Variants in ITGB3 observed in about 807,000 individuals in gnomAD.
ITGB3 encodes integrin subunit beta 3, also known as integrin beta-3.
A neutral mutation model predicts 85.8 loss-of-function variants in ITGB3; 48 were observed. The ratio of observed to expected loss-of-function variants is 0.56; its 90% CI spans 0.44 to 0.71. The LOEUF (loss-of-function observed/expected upper bound fraction) is 0.71. ITGB3 is among the 30% of genes least tolerant of loss of function. ITGB3 has a pLI of 0.00. For missense variants in ITGB3, 861 were observed against 1,019.1 expected, an observed-to-expected ratio of 0.84 and a Z score of 2.11; for synonymous variants, 363 against 395.6, an observed-to-expected ratio of 0.92 and a Z score of 0.98.
chr17:47,289,273 C>T (rs2065116046), intron 6 of ITGB3, among the ~76,000 whole-genome samples: 1 of 152,082 alleles, frequency 6.6e-6, no homozygotes, highest in African/African-American at 2.4e-5. Context: ...TTCGTCTATC[C>T]CTGGAGTTCA....
At chr17:47,289,342 T>A (rs193168598) in intron 6 of ITGB3, among the ~76,000 whole-genome samples, 2 of 152,094 alleles carry the variant, frequency 1.3e-5, no homozygotes, top group East Asian at 1.9e-4. Context: ...CTTTTTTTTT[T>A]AGAGACAGAG....
intron 6 of ITGB3, among the ~76,000 whole-genome samples, chr17:47,287,714 G>C (rs1301127470): frequency 6.6e-6 from 1 of 152,092 alleles, no homozygotes; most frequent in East Asian, 1.9e-4. Flanking sequence ...TTTGAAACCA[G>C]CTTGGGAAAT....
intron 10 of ITGB3, among the ~76,000 whole-genome samples, 164 bp downstream of exon 10, chr17:47,292,732 TA>T (rs201856692): frequency 4.0e-5 from 6 of 149,290 alleles, no homozygotes; most frequent in East Asian, 1.9e-4. Context: ...CTTTTCACGT[TA>T]AAAAAAAAAG....
chr17:47,305,104 C>T (rs1184017771), intron 13 of ITGB3, among the ~76,000 whole-genome samples: 3 of 152,172 alleles, frequency 2.0e-5, no homozygotes, highest in East Asian at 1.9e-4. Flanking sequence ...CCCTAAAGAC[C>T]TCCTGGCACC....
intron 13 of ITGB3, among the ~76,000 whole-genome samples, chr17:47,305,189 A>G (rs1004492598): frequency 6.6e-6 from 1 of 152,202 alleles, no homozygotes; most frequent in Admixed American, 6.5e-5. Context: ...GCCCTACCCA[A>G]ATCTTCCAGA....
intron 6 of ITGB3, 121 bp downstream of exon 6, chr17:47,287,352 G>A (rs753128178): frequency 7.8e-5 from 88 of 1,129,846 alleles, no homozygotes; most frequent in East Asian, 1.2e-4. Context: ...TGCAGGGCTC[G>A]GTTCCAGCTT....
intron 2 of ITGB3, among the ~76,000 whole-genome samples, chr17:47,275,259 T>A (rs553507052): frequency 6.6e-6 from 1 of 152,118 alleles, no homozygotes; most frequent in African/African-American, 2.4e-5. Flanking sequence ...TTGGTGAGGA[T>A]GGAAGGGGGA....
chr17:47,274,189 A>G (rs2065054817), intron 1 of ITGB3, among the ~76,000 whole-genome samples: 1 of 152,314 alleles, frequency 6.6e-6, no homozygotes, highest in Non-Finnish European at 1.5e-5. Flanking sequence ...ACTTGTTACC[A>G]CTGTGGCCTC....
chr17:47,284,318 A>C (rs2065094669), intron 3 of ITGB3, 125 bp from the exon 4 acceptor site: 4 of 1,093,348 alleles, frequency 3.7e-6, no homozygotes, highest in Non-Finnish European at 5.4e-6. Flanking sequence ...AAGGAAGAGG[A>C]AAAGGGACCA....
intron 1 of ITGB3, among the ~76,000 whole-genome samples, chr17:47,269,156 C>A (rs1461607939): frequency 6.6e-6 from 1 of 152,176 alleles, no homozygotes; most frequent in Non-Finnish European, 1.5e-5. Flanking sequence ...CTGGGCCCAG[C>A]CCAGGAAACC....
intron 10 of ITGB3, among the ~76,000 whole-genome samples, chr17:47,297,537 T>A (rs1207472235): frequency 1.3e-5 from 2 of 152,026 alleles, no homozygotes; most frequent in African/African-American, 4.8e-5. Context: ...ATGCCTGTAG[T>A]CCTGGCTACT....
chr17:47,256,361 C>T (rs567682821), intron 1 of ITGB3, among the ~76,000 whole-genome samples: 1 of 151,890 alleles, frequency 6.6e-6, no homozygotes, highest in African/African-American at 2.4e-5. Context: ...GTGATTGGGG[C>T]GATTCCAGAA....
rs1208902962 is a variant in ITGB3 at position 47,310,237 on chromosome 17, C to T, written c.*33C>T. On this transcript the variant is annotated 3_prime_UTR_variant, in exon 15 of 15. Transcript: ENST00000559488. ...CAGTCATCCTCAGATCATTATCAGC[C>T]TGTGCCACGATTGCAGGAGTCCCTG... 1.9e-6 allele frequency: 3 copies of T among 1,588,856 alleles called. No individual in the cohort carries two copies. The highest frequency in any genetic ancestry group is 1.7e-5 in the Admixed American group (1 of 59,966).
chr17:47,289,562 T>C, intron 6 of ITGB3, 119 bp from the exon 7 acceptor site: 1 of 742,458 alleles, frequency 1.3e-6, no homozygotes, highest in Non-Finnish European at 2.4e-6. Context: ...CAGCATGAAG[T>C]GAAATGGTTT....
At chr17:47,282,067 G>A (rs1044581063) in intron 2 of ITGB3, among the ~76,000 whole-genome samples, 3 of 151,856 alleles carry the variant, frequency 2.0e-5, no homozygotes, top group African/African-American at 4.8e-5. Context: ...TCCTGCCTCC[G>A]TCTCCCAAGT....
At chr17:47,268,605 A>G (rs1363975032) in intron 1 of ITGB3, among the ~76,000 whole-genome samples, 1 of 152,188 alleles carries the variant, frequency 6.6e-6, no homozygotes, top group African/African-American at 2.4e-5. Flanking sequence ...CACCTAGGTC[A>G]TATTGATGCA....
In ITGB3 at chr17:47,287,129, G is replaced by C. The variant is rs1275971076; in HGVS notation, c.837G>C (p.Lys279Asn). 3 of 1,613,988 alleles carry C rather than the reference G, an allele frequency of 1.9e-6. No homozygotes were observed. The highest frequency in any genetic ancestry group is 2.5e-6 in the Non-Finnish European group (3 of 1,179,874). ...TGCTGGTGTTTACCACTGATGCCAA[G>C]ACTCATATAGCATTGGACGGAAGGC... Reference protein sequence around the residue: ...SHLLVFTTDAKTHIALDGRLA... With the variant: ...SHLLVFTTDANTHIALDGRLA... Residue 279 changes from lysine (K) to asparagine (N), a missense_variant, in exon 6 of 15, where the codon AAG (lysine) becomes AAC (asparagine). Lys to Asn is a moderately conservative substitution (Grantham distance 94, BLOSUM62 0). Coordinates refer to ENST00000559488, the MANE Select transcript of ITGB3 (RefSeq NM_000212.3).
In ITGB3 at chr17:47,283,530, T is replaced by A; in HGVS notation, c.342T>A (p.Ile114=). 1 of 1,614,194 alleles carries A rather than the reference T, an allele frequency of 6.2e-7. No individual in the cohort carries two copies. Among genetic ancestry groups the A allele is most frequent in the Non-Finnish European group, 8.5e-7 (1 of 1,180,046 alleles). Residue 114 remains isoleucine (I), a synonymous_variant, in exon 3 of 15, where the codon ATT becomes ATA. Transcript: ENST00000559488. ...TCACTCAAGTCAGTCCCCAGAGGAT[T>A]GCACTCCGGCTCCGGCCAGGTAGGG... ...SQVTQVSPQR[I]ALRLRPDDSK...
intron 8 of ITGB3, 30 bp downstream of exon 8, chr17:47,290,304 C>A: frequency 6.3e-7 from 1 of 1,575,270 alleles, no homozygotes; most frequent in African/African-American, 1.3e-5. Context: ...AATAGTCCCG[C>A]GGAGAGTCCA....
Sources: gnomAD v4.1 joint callset for allele counts (sites outside exome capture counted in the v4.1 genomes callset) on GRCh38, gnomAD v4.1.1 for gene constraint, MANE v1.5 for transcripts, NCBI Gene and HGNC (gene_info 2026-07-23, HGNC 2026-07-21) for gene names.